The following ZBTB10 variants were observed in gnomAD, a reference collection of about 807,000 sequenced individuals.
The protein encoded by ZBTB10 is zinc finger and BTB domain containing 10, also known as zinc finger and BTB domain-containing protein 10.
ZBTB10 carries 32 observed loss-of-function variants against 76.4 expected under a neutral mutation model. That is an observed-to-expected ratio of 0.42 (90% CI 0.32 to 0.56). The LOEUF (loss-of-function observed/expected upper bound fraction) is 0.56. ZBTB10 is among the 20% of genes least tolerant of loss of function. The probability of loss-of-function intolerance (pLI) is 0.14; values close to 1 mark genes in which losing one functional copy is unlikely to be tolerated. For synonymous variants in ZBTB10, 523 were observed against 432.9 expected, an observed-to-expected ratio of 1.21 and a Z score of -2.58; for missense variants, 1,057 against 1,098.5, an observed-to-expected ratio of 0.96 and a Z score of 0.53.
chr8:80,511,244 G>A (rs562981298), intron 2 of ZBTB10, among the ~76,000 whole-genome samples: 1 of 152,304 alleles, frequency 6.6e-6, no homozygotes, highest in South Asian at 2.1e-4. Flanking sequence ...TGTCCATGTA[G>A]AATTAGAAAT....
chr8:80,523,648 T>C lies in ZBTB10; in HGVS notation c.*4120T>C, dbSNP rs1358575575. ...TTTTTTTTCCTGCTGTATCTCTGCT[T>C]TCAACTGAAGTTAAAGAATTCTAGA... On this transcript the variant is annotated 3_prime_UTR_variant, in exon 6 of 6. Coordinates refer to ENST00000455036, the MANE Select transcript of ZBTB10 (RefSeq NM_001105539.3). 1 of 151,918 alleles carries C rather than the reference T, an allele frequency of 6.6e-6. No homozygotes were observed. Among genetic ancestry groups the C allele is most frequent in the Non-Finnish European group, 1.5e-5 (1 of 67,874 alleles). 9.4% of individuals were successfully genotyped at this position (151,918 alleles called of 1,614,324 possible). A position where few individuals can be genotyped will look rare whatever the true frequency, so the allele number is the denominator to read the frequency against.
intron 2 of ZBTB10, among the ~76,000 whole-genome samples, 186 bp downstream of exon 2, chr8:80,500,568 C>CAT (rs1041619396): frequency 6.6e-6 from 1 of 152,124 alleles, no homozygotes; most frequent in Admixed American, 6.5e-5. Flanking sequence ...TTTTTCAACA[C>CAT]ATATATATGT....
At position 80,486,894 on chromosome 8, in the gene ZBTB10, C is replaced by T; in HGVS notation, c.84C>T (p.Asn28=). The T allele has an allele frequency of 6.6e-7, 1 of 1,516,462 alleles. No homozygotes were observed. The highest frequency in any genetic ancestry group is 8.8e-7 in the Non-Finnish European group (1 of 1,134,640). The allele number at this position is 1,516,462 out of a possible 1,614,324, so 93.9% of individuals were successfully genotyped here. A position where few individuals can be genotyped will look rare whatever the true frequency, so the allele number is the denominator to read the frequency against. ...CCGCTAGCGGCGGCGGCTCCACGAA[C>T]AATAACGCTGGCGGGGAGGCCTCAG... is the stretch of plus-strand genomic sequence containing the variant. ...LVTASGGGST[N]NNAGGEASAW... Residue 28 remains asparagine (N), a synonymous_variant, in exon 1 of 6, where the codon AAC becomes AAT. Transcript: ENST00000455036.
Position 80,493,205 on chromosome 8 carries a change from G to A in ZBTB10, c.972+5423G>A, listed in dbSNP as rs868231750. Among the ~76,000 whole-genome samples, 302 of 98,418 alleles carry A rather than the reference G, an allele frequency of 3.1e-3. 1 individual carries two copies. The East Asian group carries it at 0.036, about 12-fold the overall frequency. 64.6% of individuals were successfully genotyped at this position (98,418 alleles called of 152,430 possible). On this transcript the variant is annotated intron_variant, in intron 1 of 5. Transcript: ENST00000455036. ...ACTGTGCCTCAAAACGCGCGCGCGC[G>A]CGCACACACACACACACACACACAC...
rs1457019485 is a variant in ZBTB10, at chr8:80,525,218, A to C, written c.*5690A>C. ...ATTGGATCTATGTTTAGGTAAGAAA[A>C]CTAAAGGTACTTCAGAATTTAGGCT... On this transcript the variant is annotated 3_prime_UTR_variant, in exon 6 of 6. Coordinates refer to ENST00000455036, the MANE Select transcript of ZBTB10 (RefSeq NM_001105539.3). The C allele has an allele frequency of 6.6e-6, 1 of 152,142 alleles. No individual in the cohort carries two copies. The highest frequency in any genetic ancestry group is 2.4e-5 in the African/African-American group (1 of 41,458). The allele number at this position is 152,142 out of a possible 1,614,324, so 9.4% of individuals were successfully genotyped here. A position where few individuals can be genotyped will look rare whatever the true frequency, so the allele number is the denominator to read the frequency against.
intron 3 of ZBTB10, among the ~76,000 whole-genome samples, chr8:80,515,442 T>C (rs1477847545): frequency 3.9e-5 from 6 of 152,190 alleles, no homozygotes; most frequent in Non-Finnish European, 8.8e-5. Flanking sequence ...CTTAAGGTGG[T>C]TTCCCCTGAC....
chr8:80,496,369 CTTT>C (rs537668345), intron 1 of ZBTB10, among the ~76,000 whole-genome samples: 8 of 127,254 alleles, frequency 6.3e-5, no homozygotes, highest in Admixed American at 2.4e-4. Context: ...TATGTGGTTT[CTTT>C]TTTTTTTTTT....
chr8:80,495,908 T>A (rs1815770925), intron 1 of ZBTB10, among the ~76,000 whole-genome samples: 1 of 152,212 alleles, frequency 6.6e-6, no homozygotes, highest in South Asian at 2.1e-4. Flanking sequence ...AATAAAAAAA[T>A]TCAAGATTTC....
intron 2 of ZBTB10, among the ~76,000 whole-genome samples, chr8:80,504,854 A>G (rs1430523474): frequency 1.3e-5 from 2 of 152,234 alleles, no homozygotes; most frequent in African/African-American, 4.8e-5. Flanking sequence ...AAATTGAATT[A>G]CAGAAGTACA....
intron 2 of ZBTB10, among the ~76,000 whole-genome samples, chr8:80,501,117 C>G (rs1414816742): frequency 6.6e-6 from 1 of 152,122 alleles, no homozygotes; most frequent in Non-Finnish European, 1.5e-5. Flanking sequence ...CTGCTTGCCT[C>G]GGCCTCCCAA....
chr8:80,507,340 C>T (rs574107161), intron 2 of ZBTB10, among the ~76,000 whole-genome samples: 10 of 150,398 alleles, frequency 6.6e-5, no homozygotes, highest in Admixed American at 4.6e-4. Context: ...CAGCTGGGCA[C>T]GGTGGCTCAC....
intron 1 of ZBTB10, among the ~76,000 whole-genome samples, chr8:80,488,329 A>T (rs755682091): frequency 2.0e-4 from 31 of 152,214 alleles, no homozygotes; most frequent in Non-Finnish European, 3.1e-4. Flanking sequence ...AAATGTAGAG[A>T]ATGCTATTTG....
At chr8:80,516,834 T>C (rs1300629893) in intron 3 of ZBTB10, among the ~76,000 whole-genome samples, 1 of 152,218 alleles carries the variant, frequency 6.6e-6, no homozygotes, top group Non-Finnish European at 1.5e-5. Flanking sequence ...TCTGAGAACA[T>C]ATATGGGAAG....
intron 1 of ZBTB10, among the ~76,000 whole-genome samples, chr8:80,495,209 A>T (rs979192578): frequency 1.3e-5 from 2 of 150,842 alleles, no homozygotes; most frequent in East Asian, 3.9e-4. Flanking sequence ...GCTACCAGCC[A>T]TCCTGTCGCC....
intron 1 of ZBTB10, among the ~76,000 whole-genome samples, chr8:80,489,681 C>G (rs1387863717): frequency 6.6e-6 from 1 of 152,142 alleles, no homozygotes; most frequent in Admixed American, 6.5e-5. Flanking sequence ...CTAGGAAAAA[C>G]CTTTCTAAAC....
At chr8:80,510,225 T>G (rs1269912522) in intron 2 of ZBTB10, among the ~76,000 whole-genome samples, 1 of 152,212 alleles carries the variant, frequency 6.6e-6, no homozygotes, top group Admixed American at 6.5e-5. Flanking sequence ...ATATCAAGTA[T>G]CAGTAGCAAA....
In ZBTB10 at chr8:80,500,330, G is replaced by A. The variant is rs1281467043; in HGVS notation, c.1809G>A (p.Gln603=). ...ETNLEDCSVM[Q]PPVAYPEENT... The stretch of plus-strand genomic sequence containing the variant: ...ATTTAGAAGATTGCTCAGTAATGCA[G>A]CCACCTGTTGCCTATCCAGAAGAAA... The change falls in exon 2 of 6, where the codon CAG becomes CAA. Residue 603 remains glutamine (Q), a synonymous_variant. Transcript: ENST00000455036. 22 of 1,585,270 alleles carry A rather than the reference G, an allele frequency of 1.4e-5. No homozygotes were observed. The highest frequency in any genetic ancestry group is 1.9e-5 in the Non-Finnish European group (22 of 1,165,462).
At chr8:80,508,581 C>T (rs1426865) in intron 2 of ZBTB10, among the ~76,000 whole-genome samples, 61 of 152,192 alleles carry the variant, frequency 4.0e-4, no homozygotes, top group African/African-American at 1.4e-3. Context: ...AGATGCATGA[C>T]GGGGTGCAGT....
At chr8:80,495,850 T>G (rs759373208) in intron 1 of ZBTB10, among the ~76,000 whole-genome samples, 3 of 152,212 alleles carry the variant, frequency 2.0e-5, no homozygotes, top group Non-Finnish European at 4.4e-5. Flanking sequence ...GAAGACTTGA[T>G]ATTGAGGTCT....
Sources: gnomAD v4.1 joint callset for allele counts (sites outside exome capture counted in the v4.1 genomes callset) on GRCh38, gnomAD v4.1.1 for gene constraint, MANE v1.5 for transcripts, NCBI Gene and HGNC (gene_info 2026-07-23, HGNC 2026-07-21) for gene names.